The following CAMK2A variants were observed in gnomAD, a reference collection of about 807,000 sequenced individuals.
CAMK2A encodes calcium/calmodulin-dependent protein kinase type II subunit alpha.
Under a neutral mutation model 79.2 loss-of-function variants are expected in CAMK2A, and 7 were observed. The ratio of observed to expected loss-of-function variants is 0.09; its 90% confidence interval spans 0.05 to 0.17. The LOEUF (loss-of-function observed/expected upper bound fraction) is 0.17. CAMK2A is among the 10% of genes least tolerant of loss of function. The pLI is 1.00. For missense variants in CAMK2A, 214 were observed against 646.4 expected (o/e 0.33, Z 7.25); for synonymous variants, 242 against 251.7 (o/e 0.96, Z 0.36).
Position 150,245,170 on chromosome 5 carries a change from A to G in CAMK2A, c.975T>C (p.Asp325=). Residue 325 remains aspartate, a synonymous_variant, in exon 13 of 19, where the codon GAT becomes GAC. Coordinates refer to ENST00000671881, the MANE Select transcript of CAMK2A (RefSeq NM_015981.4). ...GGKSGGNKKS[D]GVKKRKSSSS... is the part of the protein sequence containing the mutation. Reference sequence around the variant, plus strand: ...TCCTGGAGGGGCTTACCTTCACACCATCGCTCTTCTTGTTTCCCCCACTCT... The same window carrying G: ...TCCTGGAGGGGCTTACCTTCACACCGTCGCTCTTCTTGTTTCCCCCACTCT... 6.2e-7 allele frequency: 1 copy of G among 1,613,744 alleles called. No homozygotes were observed. The highest frequency in any genetic ancestry group is 8.5e-7 in the Non-Finnish European group (1 of 1,179,860).
At chr5:150,253,318 T>C in intron 7 of CAMK2A, 126 bp downstream of exon 7, 1 of 729,812 alleles carries the variant, frequency 1.4e-6, no homozygotes, top group Non-Finnish European at 2.4e-6. Context: ...GCCTCTGCTC[T>C]ACCAGCCCCG....
At chr5:150,289,503 A>C in intron 1 of CAMK2A, 61 bp downstream of exon 1, 1 of 1,314,616 alleles carries the variant, frequency 7.6e-7, no homozygotes, top group Non-Finnish European at 1.1e-6. Context: ...CACACACCCC[A>C]CTAGAGACCC....
At chr5:150,287,431 A>G (rs1296466175) in intron 1 of CAMK2A, among the ~76,000 whole-genome samples, 1 of 152,190 alleles carries the variant, frequency 6.6e-6, no homozygotes, top group Admixed American at 6.5e-5. Flanking sequence ...AACAAGGCCT[A>G]GCTATGCCTG....
chr5:150,261,342 A>G (rs1438372015), intron 3 of CAMK2A, among the ~76,000 whole-genome samples: 1 of 152,132 alleles, frequency 6.6e-6, no homozygotes, highest in African/African-American at 2.4e-5. Flanking sequence ...GGCCGTTTTC[A>G]CACACAAAGC....
In CAMK2A at chr5:150,228,290, G is replaced by A. The variant is rs752096411; in HGVS notation, c.1143-4C>T. 129 of 1,612,038 alleles carry A rather than the reference G, an allele frequency of 8.0e-5. 1 individual carries two copies. The South Asian group carries it at 1.3e-3, about 16-fold the overall frequency. ...CATGCCAGGGTCGCACATCTTCCTG[G>A]GGGAAAGAAGCCAGAGGGAAGAGGG... On this transcript the variant is annotated splice_polypyrimidine_tract_variant and splice_region_variant and intron_variant, in intron 16 of 18. Coordinates refer to ENST00000671881, the MANE Select transcript of CAMK2A (RefSeq NM_015981.4).
At position 150,233,559 on chromosome 5, in the gene CAMK2A, G is replaced by A. The variant is rs533850676; in HGVS notation, c.1067-2179C>T. On this transcript the variant is annotated intron_variant, in intron 15 of 18. Transcript: ENST00000671881. ...GGACTTTCCTGGGGCTGGGGCAGAGGCAGCACTCAATACATACGTGTTGAG... is the reference window on the plus strand; with the variant it reads ...GGACTTTCCTGGGGCTGGGGCAGAGACAGCACTCAATACATACGTGTTGAG... Among the ~76,000 whole-genome samples the A allele has an allele frequency of 2.6e-4, 39 of 152,300 alleles. No homozygotes were observed. In the South Asian group the frequency reaches 7.7e-3, roughly 30 times the overall value.
At chr5:150,230,100 A>G (rs1263557218) in intron 16 of CAMK2A, among the ~76,000 whole-genome samples, 1 of 152,028 alleles carries the variant, frequency 6.6e-6, no homozygotes, top group Admixed American at 6.6e-5. Context: ...TGGGTGGATC[A>G]TGAGGCCAGG....
At chr5:150,239,381 T>C (rs1755238934) in intron 14 of CAMK2A, among the ~76,000 whole-genome samples, 1 of 151,998 alleles carries the variant, frequency 6.6e-6, no homozygotes, top group Non-Finnish European at 1.5e-5. Flanking sequence ...AAGCCTGAGA[T>C]GAATTCTAGA....
Position 150,284,481 on chromosome 5 carries a change from G to A in CAMK2A, c.62+5083C>T, listed in dbSNP as rs184817086. On this transcript the variant is annotated intron_variant, in intron 1 of 18. Transcript: ENST00000671881. The surrounding 1 kb of genome is among the most constrained non-coding windows in gnomAD (Gnocchi z 5.3). ...GGCAGCAGTGTCACTGTGTGCTTGT[G>A]GAGGGAGGTGGGGAGGAAGGGAGGG... Among the ~76,000 whole-genome samples the A allele has an allele frequency of 6.0e-3, 907 of 152,152 alleles. 7 individuals carry two copies. The highest frequency in any genetic ancestry group is 0.021 in the African/African-American group (864 of 41,474).
At chr5:150,276,673 A>G (rs1348594414) in intron 1 of CAMK2A, among the ~76,000 whole-genome samples, 1 of 152,206 alleles carries the variant, frequency 6.6e-6, no homozygotes, top group Admixed American at 6.5e-5. Context: ...AGAGAAGGGC[A>G]GGAAGCAGGG....
intron 15 of CAMK2A, among the ~76,000 whole-genome samples, chr5:150,236,164 G>A (rs1295339821): frequency 6.6e-6 from 1 of 152,158 alleles, no homozygotes; most frequent in Admixed American, 6.5e-5. Flanking sequence ...CGGCAAATGT[G>A]AGACCTCAGG....
At position 150,285,503 on chromosome 5, in the gene CAMK2A, T is replaced by C. The variant is rs550980131; in HGVS notation, c.62+4061A>G. Among the ~76,000 whole-genome samples the C allele has an allele frequency of 7.7e-4, 117 of 152,254 alleles. 1 individual carries two copies. The Middle Eastern group carries it at 0.014, about 18-fold the overall frequency. On this transcript the variant is annotated intron_variant, in intron 1 of 18. Transcript: ENST00000671881. ...AAGCACATTCTACAGATGTTAGAGT[T>C]TGGGTCCCATGAGAGGACTTGAGCA...
intron 3 of CAMK2A, among the ~76,000 whole-genome samples, chr5:150,258,860 A>G (rs953462663): frequency 1.3e-5 from 2 of 152,204 alleles, no homozygotes; most frequent in Non-Finnish European, 2.9e-5. Flanking sequence ...GGCACCAGAG[A>G]TGGAGAGGGA....
At chr5:150,235,708 CTT>C (rs1276743586) in intron 15 of CAMK2A, among the ~76,000 whole-genome samples, 2 of 152,164 alleles carry the variant, frequency 1.3e-5, no homozygotes, top group African/African-American at 4.8e-5. Flanking sequence ...ATTAATGTCT[CTT>C]TCTCTCCTCA....
At chr5:150,239,587 G>GCA in intron 14 of CAMK2A, 117 bp downstream of exon 14, 2 of 881,314 alleles carry the variant, frequency 2.3e-6, no homozygotes, top group Non-Finnish European at 1.9e-6. Context: ...CACGTACCAA[G>GCA]CACGCCCTGA....
chr5:150,239,788 G>A lies in CAMK2A; in HGVS notation c.985-52C>T, dbSNP rs78495602. 5.6e-4 allele frequency: 850 copies of A among 1,527,248 alleles called. 9 individuals carry two copies. In the East Asian group the frequency reaches 0.017, roughly 31 times the overall value. The allele number at this position is 1,527,248 out of a possible 1,614,324, so 94.6% of individuals were successfully genotyped here. ...ACAGGAAAAGACACAGCGTGAAAAC[G>A]GCAGGGAGCAGAGGAACGACAGGGG... On this transcript the variant is annotated intron_variant, in intron 13 of 18. Transcript: ENST00000671881.
At chr5:150,231,884 A>G (rs1310406632) in intron 15 of CAMK2A, among the ~76,000 whole-genome samples, 1 of 152,206 alleles carries the variant, frequency 6.6e-6, no homozygotes, top group African/African-American at 2.4e-5. Flanking sequence ...CTTAGGGTAT[A>G]CGCATCCCTT....
rs146373357 is a variant in CAMK2A at position 150,288,129 on chromosome 5, G to A, written c.62+1435C>T. ...CACACACATGCGTGTGCACACACAC[G>A]TACATCATCCTGTGTGCATGACCCC... On this transcript the variant is annotated intron_variant, in intron 1 of 18. Coordinates refer to ENST00000671881, the MANE Select transcript of CAMK2A (RefSeq NM_015981.4). 2.2e-3 allele frequency among the ~76,000 whole-genome samples: 337 copies of A among 152,054 alleles called. 1 individual carries two copies. Among genetic ancestry groups the A allele is most frequent in the African/African-American group, 7.8e-3 (325 of 41,470 alleles).
At chr5:150,222,815 C>T (rs1754384505) in intron 18 of CAMK2A, 102 bp from the exon 19 acceptor site, 2 of 1,484,198 alleles carry the variant, frequency 1.3e-6, no homozygotes, top group African/African-American at 2.8e-5. Flanking sequence ...TCCCTGGTGG[C>T]TCCTGCCCAG....
Sources: allele counts gnomAD v4.1 joint callset (sites outside exome capture counted in the v4.1 genomes callset), GRCh38; gene constraint gnomAD v4.1.1; non-coding constraint Gnocchi (gnomAD v3.1); transcripts MANE v1.5; gene names NCBI Gene and HGNC (gene_info 2026-07-23, HGNC 2026-07-21).